Variants in TIPIN observed in about 807,000 individuals in gnomAD.
TIPIN encodes TIMELESS interacting protein, also known as TIMELESS-interacting protein.
A neutral mutation model predicts 35.6 loss-of-function variants in TIPIN; 29 were observed. The ratio of observed to expected loss-of-function variants is 0.82; its 90% CI spans 0.61 to 1.11. The LOEUF (loss-of-function observed/expected upper bound fraction) is 1.11, where lower values mean the gene tolerates loss of function less well. Among genes scored for constraint, TIPIN ranks in the 50% most tolerant of loss-of-function variants. The probability of loss-of-function intolerance (pLI) is 0.00; values close to 1 mark genes in which losing one functional copy is unlikely to be tolerated. For missense variants in TIPIN, 296 were observed against 345.4 expected (o/e 0.86, Z 1.13); for synonymous variants, 102 against 121.5 (o/e 0.84, Z 1.06).
chr15:66,355,652 G>A (rs1051698585), intron 1 of TIPIN, among the ~76,000 whole-genome samples: 3 of 152,082 alleles, frequency 2.0e-5, no homozygotes, highest in African/African-American at 4.8e-5. Context: ...TCGGGAGGCT[G>A]AGGCAGGAGA....
chr15:66,356,249 T>G (rs1252029467), intron 1 of TIPIN, among the ~76,000 whole-genome samples: 1 of 152,028 alleles, frequency 6.6e-6, no homozygotes, highest in Non-Finnish European at 1.5e-5. Context: ...GAACCTCCCA[T>G]ACCTCTTCTC....
chr15:66,336,682 A>T lies in TIPIN; in HGVS notation c.*276T>A, dbSNP rs62625675. On this transcript the variant is annotated 3_prime_UTR_variant, in exon 8 of 8. Coordinates refer to ENST00000261881, the MANE Select transcript of TIPIN (RefSeq NM_017858.3). The stretch of plus-strand genomic sequence containing the variant: ...CAAAACCTCCCAACTTAGTGAAAAC[A>T]AGGCATTCAATGACAGACCAGCAGC... 6 of 372,930 alleles carry T rather than the reference A, an allele frequency of 1.6e-5. No homozygotes were observed. The highest frequency in any genetic ancestry group is 3.0e-5 in the Non-Finnish European group (6 of 201,748). The allele number at this position is 372,930 out of a possible 1,614,324, so 23.1% of individuals were successfully genotyped here. A position where few individuals can be genotyped will look rare whatever the true frequency, so the allele number is the denominator to read the frequency against.
intron 1 of TIPIN, 99 bp from the exon 2 acceptor site, chr15:66,353,054 G>T: frequency 8.4e-7 from 1 of 1,191,286 alleles, no homozygotes; most frequent in South Asian, 2.0e-5. Flanking sequence ...CAATCAGTTA[G>T]ACCACATTTC....
chr15:66,349,124 C>T lies in TIPIN; in HGVS notation c.412-1G>A. On this transcript the variant is annotated splice_acceptor_variant, in intron 5 of 7. Coordinates refer to ENST00000261881, the MANE Select transcript of TIPIN (RefSeq NM_017858.3). LOFTEE classifies it high-confidence loss of function. The stretch of plus-strand genomic sequence containing the variant: ...CAAGTCGAATTCGTTTTAAACAGGT[C>T]TGAAAATGAAAAGAGATTATTTATT... 2.5e-6 allele frequency: 4 copies of T among 1,610,488 alleles called. No individual in the cohort carries two copies. Among genetic ancestry groups the T allele is most frequent in the Non-Finnish European group, 3.4e-6 (4 of 1,178,500 alleles).
chr15:66,351,573 G>A lies in TIPIN; in HGVS notation c.240C>T (p.Ala80=). The change falls in exon 4 of 8, where the codon GCC becomes GCT. Residue 80 remains alanine (A), a synonymous_variant. Coordinates refer to ENST00000261881, the MANE Select transcript of TIPIN (RefSeq NM_017858.3). ...TTGCCTTATCAAATACATGCCTTAA[G>A]GCTGGAAGTCCTCTCTCTGAAATTA... ...QRLISERGLP[A]LRHVFDKAKF... is the part of the protein sequence containing the mutation. The A allele has an allele frequency of 6.2e-7, 1 of 1,612,744 alleles. No individual in the cohort carries two copies. Among genetic ancestry groups the A allele is most frequent in the Non-Finnish European group, 8.5e-7 (1 of 1,179,382 alleles).
chr15:66,347,253 T>C (rs1325637815), intron 6 of TIPIN: 1 of 518,810 alleles, frequency 1.9e-6, no homozygotes, highest in South Asian at 1.4e-5. Flanking sequence ...ATACAGACCC[T>C]GTCGGCAGGA....
intron 7 of TIPIN, among the ~76,000 whole-genome samples, chr15:66,338,742 A>C (rs2093062594): frequency 7.6e-6 from 1 of 131,386 alleles, no homozygotes. Context: ...TGGACACGGG[A>C]GGCGGGGCTT....
chr15:66,376,254 C>T (rs935386375), intron 1 of TIPIN, among the ~76,000 whole-genome samples: 3 of 152,124 alleles, frequency 2.0e-5, no homozygotes, highest in African/African-American at 7.2e-5. Context: ...TTTGGAATGA[C>T]CGTACTGTAT....
In TIPIN at chr15:66,337,172, A is replaced by G. The variant is rs781026068; in HGVS notation, c.692T>C (p.Met231Thr). The G allele has an allele frequency of 2.7e-5, 44 of 1,612,596 alleles. No homozygotes were observed. The highest frequency in any genetic ancestry group is 1.4e-4 in the South Asian group (13 of 91,020). Residue 231 changes from methionine to threonine, a missense_variant, in exon 8 of 8, where the codon ATG becomes ACG. By Grantham distance (81) the Met-to-Thr change is moderately conservative (BLOSUM62 -1). Transcript: ENST00000261881. ...AACCGTGTGTGCCCTGGGTGTATTC[A>G]TTAACATATCTGAAAGAAATCATAC... ...NSQTLGNDML[M>T]NTPRAHTVEE...
At chr15:66,372,312 A>T (rs147363950) in intron 1 of TIPIN, among the ~76,000 whole-genome samples, 29 of 152,304 alleles carry the variant, frequency 1.9e-4, no homozygotes, top group African/African-American at 7.0e-4. Context: ...ACTTTATATG[A>T]AAGAAAAAAA....
At chr15:66,367,983 G>C (rs528270865) in intron 1 of TIPIN, among the ~76,000 whole-genome samples, 1 of 151,328 alleles carries the variant, frequency 6.6e-6, no homozygotes, top group East Asian at 2.0e-4. Flanking sequence ...ACAGGTGCGC[G>C]CCACCATGGC....
At chr15:66,348,352 A>C (rs574848197) in intron 6 of TIPIN, 1 of 149,758 alleles carries the variant, frequency 6.7e-6, no homozygotes, top group Non-Finnish European at 1.5e-5. Context: ...CTCCCTTTTC[A>C]CTATTGCATG....
chr15:66,381,318 A>C (rs2093317707), intron 1 of TIPIN, among the ~76,000 whole-genome samples: 1 of 151,934 alleles, frequency 6.6e-6, no homozygotes, highest in South Asian at 2.1e-4. Flanking sequence ...GGCGCCTGTA[A>C]TATCAGCTAC....
chr15:66,351,925 T>TA (rs62627278), intron 3 of TIPIN, among the ~76,000 whole-genome samples: 28,533 of 151,944 alleles, frequency 0.19, 3,374 homozygotes, highest in Middle Eastern at 0.29. Context: ...AGGCGTGAGC[T>TA]ACCACGCCCA....
At chr15:66,371,273 C>T in intron 1 of TIPIN, 2 of 984,598 alleles carry the variant, frequency 2.0e-6, no homozygotes, top group Non-Finnish European at 2.4e-6. Context: ...TCTGGTCTCC[C>T]TCCCCTCAAC....
chr15:66,380,155 C>T (rs2093313687), intron 1 of TIPIN, among the ~76,000 whole-genome samples: 1 of 152,022 alleles, frequency 6.6e-6, no homozygotes, highest in Non-Finnish European at 1.5e-5. Context: ...GCGCCCACCA[C>T]TGCGCCCGGC....
chr15:66,339,280 CTT>C (rs62627330), intron 7 of TIPIN, among the ~76,000 whole-genome samples: 1 of 142,922 alleles, frequency 7.0e-6, no homozygotes, highest in Non-Finnish European at 1.5e-5. Context: ...TATTATAATT[CTT>C]TTTTTTTTTG....
rs574183014 is a variant in TIPIN at position 66,341,257 on chromosome 15, C to G, written c.575G>C (p.Ser192Thr). The change falls in exon 7 of 8, where the codon AGT becomes ACT. Residue 192 changes from serine to threonine, a missense_variant. By Grantham distance (58) the Ser-to-Thr change is moderately conservative. Coordinates refer to ENST00000261881, the MANE Select transcript of TIPIN (RefSeq NM_017858.3). ...SESEMFASEL[S>T]RSLTEEQQQR... ...TTGTTGCTCTTCTGTTAGGCTTCTA[C>G]TTAACTCAGAAGCAAACATCTCACT... 1.2e-6 allele frequency: 2 copies of G among 1,613,858 alleles called. No homozygotes were observed. The highest frequency in any genetic ancestry group is 2.2e-5 in the South Asian group (2 of 91,074).
intron 1 of TIPIN, chr15:66,382,879 T>C: frequency 1.2e-6 from 1 of 862,140 alleles, no homozygotes; most frequent in South Asian, 5.3e-5. Context: ...TATTCTTGTC[T>C]GTATGGTCAG....
Sources: gnomAD v4.1 joint callset for allele counts (sites outside exome capture counted in the v4.1 genomes callset) on GRCh38, gnomAD v4.1.1 for gene constraint, MANE v1.5 for transcripts, NCBI Gene and HGNC (gene_info 2026-07-23, HGNC 2026-07-21) for gene names.